PIK3CD: variants seen among roughly 807,000 people sequenced by gnomAD.
PIK3CD encodes phosphatidylinositol-4,5-bisphosphate 3-kinase catalytic subunit delta, also known as phosphatidylinositol 4,5-bisphosphate 3-kinase catalytic subunit delta isoform.
In PIK3CD, 20 loss-of-function variants were observed where a neutral mutation model predicts 122.9. The observed-to-expected ratio is 0.16, with a 90% confidence interval of 0.11 to 0.24. The LOEUF is 0.24. Ranked by LOEUF, PIK3CD falls within the 10% of genes least tolerant of loss-of-function variation. The pLI is 1.00. For missense variants in PIK3CD, 787 were observed against 1,406.3 expected (o/e 0.56, Z 7.04); for synonymous variants, 596 against 593.4 (o/e 1.00, Z -0.06).
intron 2 of PIK3CD, among the ~76,000 whole-genome samples, chr1:9,705,469 G>T (rs1002197212): frequency 6.6e-6 from 1 of 152,106 alleles, no homozygotes; most frequent in African/African-American, 2.4e-5. Context: ...CTGCACTCCA[G>T]CCTGGATGAC....
At chr1:9,695,777 G>C (rs1218589673) in intron 2 of PIK3CD, among the ~76,000 whole-genome samples, 1 of 151,558 alleles carries the variant, frequency 6.6e-6, no homozygotes, top group Non-Finnish European at 1.5e-5. Context: ...GGGAGGCGGA[G>C]GCTGCAGTGA....
At chr1:9,693,334 T>C (rs1387799858) in intron 2 of PIK3CD, among the ~76,000 whole-genome samples, 3 of 152,074 alleles carry the variant, frequency 2.0e-5, no homozygotes, top group African/African-American at 7.2e-5. Flanking sequence ...AAGCGATTCT[T>C]CTGCCTCAGC....
rs1404099391 is a variant in PIK3CD at position 9,724,846 on chromosome 1, C to T, written c.2907C>T (p.Arg969=). 3 of 1,613,934 alleles carry T rather than the reference C, an allele frequency of 1.9e-6. No individual in the cohort carries two copies. Among genetic ancestry groups the T allele is most frequent in the African/African-American group, 1.3e-5 (1 of 75,058 alleles). Residue 969 remains arginine, a synonymous_variant, in exon 23 of 24, where the codon CGC becomes CGT. Transcript: ENST00000377346. This position sits in a 1 kb window ranked among gnomAD's most constrained non-coding sequence, Gnocchi z 7.3. ...AAAGGGCCTACACCATCCTGCGGCG[C>T]CACGGGCTTCTCTTCCTCCACCTCT... ...YCERAYTILR[R]HGLLFLHLFA...
chr1:9,716,166 C>T (rs1481964787), intron 5 of PIK3CD, 88 bp downstream of exon 5: 3 of 1,141,596 alleles, frequency 2.6e-6, no homozygotes, highest in African/African-American at 3.1e-5. Flanking sequence ...TCCGCAAGCC[C>T]CCCTCCCCCA....
At chr1:9,690,763 T>G (rs1267406213) in intron 1 of PIK3CD, among the ~76,000 whole-genome samples, 2 of 152,144 alleles carry the variant, frequency 1.3e-5, no homozygotes, top group Admixed American at 6.5e-5. Context: ...GCCGGTGGTT[T>G]TGGTGTTGTG....
rs879131609 is a variant in PIK3CD at position 9,727,358 on chromosome 1, C to T, written c.*312C>T. 6.5e-6 allele frequency: 3 copies of T among 460,952 alleles called. No individual in the cohort carries two copies. Among genetic ancestry groups the T allele is most frequent in the Non-Finnish European group, 1.2e-5 (3 of 248,160 alleles). The allele number at this position is 460,952 out of a possible 1,614,324, so 28.6% of individuals were successfully genotyped here. A position where few individuals can be genotyped will look rare whatever the true frequency, so the allele number is the denominator to read the frequency against. On this transcript the variant is annotated 3_prime_UTR_variant, in exon 24 of 24. Transcript: ENST00000377346. ...TGGGCCCAGCAAAGACTGTTCTCCT[C>T]CCGAGGGAACCTTCTTCCCAGGCCT...
Position 9,657,678 on chromosome 1 carries a change from C to T in PIK3CD, c.-138+5876C>T, listed in dbSNP as rs1644898181. Among the ~76,000 whole-genome samples the T allele has an allele frequency of 2.6e-5, 4 of 152,278 alleles. No individual in the cohort carries two copies. The South Asian group carries it at 8.3e-4, about 32-fold the overall frequency. On this transcript the variant is annotated intron_variant, in intron 1 of 23. Coordinates refer to ENST00000377346, the MANE Select transcript of PIK3CD (RefSeq NM_005026.5). ...CTCCCTCTTTATCTTCAACAACAGTCCCTGCCCTCCGCAGCCCATTCCCAG... is the reference window on the plus strand; with the variant it reads ...CTCCCTCTTTATCTTCAACAACAGTTCCTGCCCTCCGCAGCCCATTCCCAG...
the PIK3CD span, among the ~76,000 whole-genome samples, chr1:9,627,979 G>C: frequency 6.6e-6 from 1 of 152,232 alleles, no homozygotes; most frequent in African/African-American, 2.4e-5. Context: ...GAGCCAGGGG[G>C]TTGAGGCTGC....
intron 2 of PIK3CD, among the ~76,000 whole-genome samples, chr1:9,697,151 C>T (rs1225877410): frequency 6.6e-6 from 1 of 151,320 alleles, no homozygotes; most frequent in Non-Finnish European, 1.5e-5. Context: ...GTGGGGGGAT[C>T]ACTTGAGCCC....
rs768985631 is a variant in PIK3CD, at chr1:9,724,964, G to A, written c.2997+28G>A. ...ATGTGCCGGGCAGGAGACTGCTGTC[G>A]CCAGTGGACTTCCAAGGCCTGCCCC... is the stretch of plus-strand genomic sequence containing the variant. On this transcript the variant is annotated intron_variant, in intron 23 of 23. Transcript: ENST00000377346. The surrounding 1 kb of genome is among the most constrained non-coding windows in gnomAD (Gnocchi z 7.3). The A allele has an allele frequency of 2.7e-5, 44 of 1,612,704 alleles. No individual in the cohort carries two copies. The Middle Eastern group carries it at 4.9e-4, about 18-fold the overall frequency.
At chr1:9,726,438 G>A (rs2101035000) in intron 23 of PIK3CD, among the ~76,000 whole-genome samples, 1 of 152,314 alleles carries the variant, frequency 6.6e-6, no homozygotes, top group East Asian at 1.9e-4. Flanking sequence ...GAACCTGGGA[G>A]GCGGAGGTTG....
Position 9,700,862 on chromosome 1 carries a change from C to T in PIK3CD, c.-33+9291C>T, listed in dbSNP as rs182118632. On this transcript the variant is annotated intron_variant, in intron 2 of 23. Transcript: ENST00000377346. This position sits in a 1 kb window ranked among gnomAD's most constrained non-coding sequence, Gnocchi z 5.1. ...ATCTCCCAAGCCCAAACCTGGCTGT[C>T]ATCCTCACTTCCTCCTGCACCGTCC... Among the ~76,000 whole-genome samples, 2 of 152,246 alleles carry T rather than the reference C, an allele frequency of 1.3e-5. No homozygotes were observed. Among genetic ancestry groups the T allele is most frequent in the African/African-American group, 4.8e-5 (2 of 41,550 alleles).
At position 9,710,632 on chromosome 1, in the gene PIK3CD, CAGAGAGAGAG is replaced by C. The variant is rs34885574; in HGVS notation, c.141+50_141+59del. The C allele has an allele frequency of 8.5e-5, 130 of 1,528,212 alleles. No individual in the cohort carries two copies. In the African/African-American group the frequency reaches 1.5e-3, roughly 18 times the overall value. The allele number at this position is 1,528,212 out of a possible 1,614,324, so 94.7% of individuals were successfully genotyped here. ...CATCCGGTCCTCAGACCTTGGTGCT[CAGAGAGAGAG>C]AGAGAGAGAGAGACACAGATAGACA... On this transcript the variant is annotated intron_variant, in intron 3 of 23. Coordinates refer to ENST00000377346, the MANE Select transcript of PIK3CD (RefSeq NM_005026.5). The surrounding 1 kb of genome is among the most constrained non-coding windows in gnomAD (Gnocchi z 4.7).
the PIK3CD span, among the ~76,000 whole-genome samples, chr1:9,636,134 C>A: frequency 1.3e-5 from 2 of 152,202 alleles, no homozygotes; most frequent in Non-Finnish European, 2.9e-5. Flanking sequence ...TGTTCTAAGT[C>A]CCCTCCCACT....
At position 9,724,154 on chromosome 1, in the gene PIK3CD, C is replaced by T; in HGVS notation, c.2718+62C>T. ...TGGCTTCTGGCCCCAGCCTGCTGGC[C>T]CCTCTGCCTAGCACACAGCTCTGTG... On this transcript the variant is annotated intron_variant, in intron 21 of 23. Coordinates refer to ENST00000377346, the MANE Select transcript of PIK3CD (RefSeq NM_005026.5). This position sits in a 1 kb window ranked among gnomAD's most constrained non-coding sequence, Gnocchi z 7.3. 6.2e-7 allele frequency: 1 copy of T among 1,613,714 alleles called. No individual in the cohort carries two copies. The highest frequency in any genetic ancestry group is 1.7e-4 in the Middle Eastern group (1 of 6,058).
intron 1 of PIK3CD, among the ~76,000 whole-genome samples, chr1:9,676,803 T>C (rs1303679536): frequency 6.6e-6 from 1 of 152,176 alleles, no homozygotes; most frequent in East Asian, 1.9e-4. Context: ...ATCAGGTGCC[T>C]AGTCATGGGG....
chr1:9,715,546 G>A lies in PIK3CD; in HGVS notation c.147G>A (p.Leu49=), dbSNP rs1160162403. The A allele has an allele frequency of 2.5e-6, 4 of 1,613,312 alleles. No homozygotes were observed. The South Asian group carries it at 4.4e-5, about 18-fold the overall frequency. ...ACCGGTGACTGTCCCTCCAGCTGCT[G>A]TGGCACCGCGCCCAGTATGAGCCGC... ...NANLSTIKQL[L]WHRAQYEPLF... is the part of the protein sequence containing the mutation. The change falls in exon 4 of 24, where the codon CTG becomes CTA. Residue 49 remains leucine (L), a synonymous_variant. Transcript: ENST00000377346. The surrounding 1 kb of genome is among the most constrained non-coding windows in gnomAD (Gnocchi z 4.1).
At chr1:9,649,100 T>TCAAC (rs1426317940), upstream of PIK3CD, among the ~76,000 whole-genome samples, 1 of 86,522 alleles carries the variant, frequency 1.2e-5, no homozygotes, top group Non-Finnish European at 2.0e-5. Context: ...AGACCCTGTC[T>TCAAC]CAACAAACAA....
At position 9,674,312 on chromosome 1, in the gene PIK3CD, G is replaced by A. The variant is rs191184252; in HGVS notation, c.-137-17155G>A. 2.4e-4 allele frequency among the ~76,000 whole-genome samples: 36 copies of A among 152,278 alleles called. No individual in the cohort carries two copies. In the East Asian group the frequency reaches 6.2e-3, roughly 26 times the overall value. ...GCCATTTTCATTAACGTAGCTTGCC[G>A]TTTCTGTATCTAATAACAACAAACA... On this transcript the variant is annotated intron_variant, in intron 1 of 23. Transcript: ENST00000377346.
Sources: gnomAD v4.1 joint callset for allele counts (sites outside exome capture counted in the v4.1 genomes callset) on GRCh38, gnomAD v4.1.1 for gene constraint, Gnocchi (gnomAD v3.1) non-coding constraint, MANE v1.5 for transcripts, NCBI Gene and HGNC (gene_info 2026-07-23, HGNC 2026-07-21) for gene names.